The following PHF20 variants were observed in gnomAD, a reference collection of about 807,000 sequenced individuals.
PHF20 encodes the protein glioma-expressed antigen 2.
PHF20 carries 23 observed loss-of-function variants against 113.5 expected under a neutral mutation model. That is an observed-to-expected ratio of 0.20 (90% CI 0.15 to 0.29). The LOEUF (loss-of-function observed/expected upper bound fraction) is 0.29. Among genes scored for constraint, PHF20 ranks in the 10% least tolerant of loss-of-function variants. The pLI, the probability that PHF20 is intolerant of heterozygous loss-of-function variation, is 1.00. For synonymous variants in PHF20, 434 were observed against 457.3 expected (o/e 0.95, Z 0.65); for missense variants, 943 against 1,219.6 (o/e 0.77, Z 3.38).
At chr20:35,925,173 T>C (rs2055602183) in intron 13 of PHF20, among the ~76,000 whole-genome samples, 2 of 152,200 alleles carry the variant, frequency 1.3e-5, no homozygotes, top group South Asian at 4.1e-4. Flanking sequence ...TGTCTCCATA[T>C]TGCTCTTTCT....
intron 12 of PHF20, 28 bp from the exon 13 acceptor site, chr20:35,917,456 G>C (rs753065933): frequency 2.5e-6 from 4 of 1,588,722 alleles, no homozygotes. Flanking sequence ...ACCTAAAATA[G>C]TAACTGTTGT....
At chr20:35,879,665 G>A (rs1405161379) in intron 9 of PHF20, among the ~76,000 whole-genome samples, 1 of 151,274 alleles carries the variant, frequency 6.6e-6, no homozygotes, top group Non-Finnish European at 1.5e-5. Context: ...ACATTCCATG[G>A]TGGTTACATG....
intron 2 of PHF20, among the ~76,000 whole-genome samples, chr20:35,814,786 T>C (rs1600771294): frequency 7.5e-6 from 1 of 134,016 alleles, no homozygotes; most frequent in African/African-American, 2.8e-5. Context: ...GGCAGGAGAA[T>C]GGCGTGAACC....
At chr20:35,826,502 A>G (rs1195693736) in intron 2 of PHF20, among the ~76,000 whole-genome samples, 1 of 152,170 alleles carries the variant, frequency 6.6e-6, no homozygotes, top group Non-Finnish European at 1.5e-5. Flanking sequence ...TTGAGGGCAT[A>G]TGCAAGGAAG....
intron 6 of PHF20, among the ~76,000 whole-genome samples, chr20:35,864,997 C>A (rs1190184390): frequency 1.3e-5 from 2 of 151,622 alleles, no homozygotes; most frequent in African/African-American, 4.9e-5. Flanking sequence ...ACCAGCCTGG[C>A]CAACATGGTG....
In PHF20 at chr20:35,940,426, T is replaced by C. The variant is rs1282390958; in HGVS notation, c.2713-438T>C. 3.5e-5 allele frequency among the ~76,000 whole-genome samples: 4 copies of C among 112,980 alleles called. No homozygotes were observed. The Admixed American group carries it at 3.6e-4, about 10-fold the overall frequency. The allele number at this position is 112,980 out of a possible 152,430, so 74.1% of individuals were successfully genotyped here. ...TTCCAAATAGGTTTTAGTACCCCCA[T>C]CCTCCCACCGAGAAAGCAGAGGCTC... is the stretch of plus-strand genomic sequence containing the variant. On this transcript the variant is annotated intron_variant, in intron 16 of 17. Coordinates refer to ENST00000374012, the MANE Select transcript of PHF20 (RefSeq NM_016436.5).
intron 4 of PHF20, among the ~76,000 whole-genome samples, chr20:35,852,451 G>T (rs755576328): frequency 6.6e-6 from 1 of 152,032 alleles, no homozygotes; most frequent in African/African-American, 2.4e-5. Context: ...AGAGGGAGTG[G>T]GAATAGATGA....
intron 4 of PHF20, among the ~76,000 whole-genome samples, chr20:35,852,653 C>T (rs2042754539): frequency 6.6e-6 from 1 of 150,572 alleles, no homozygotes; most frequent in Non-Finnish European, 1.5e-5. Flanking sequence ...TGCTGGAGTG[C>T]AGTGGCTCGA....
At chr20:35,881,338 G>A (rs981161760) in intron 9 of PHF20, among the ~76,000 whole-genome samples, 2 of 151,814 alleles carry the variant, frequency 1.3e-5, no homozygotes, top group South Asian at 2.1e-4. Flanking sequence ...GATTATAGGC[G>A]TGAGCCACCG....
At chr20:35,895,098 A>C (rs1243894037) in intron 9 of PHF20, among the ~76,000 whole-genome samples, 1 of 151,826 alleles carries the variant, frequency 6.6e-6, no homozygotes, top group Non-Finnish European at 1.5e-5. Flanking sequence ...ATCTTGACCC[A>C]CTGCAACCTC....
At chr20:35,880,950 ACT>A (rs112620710) in intron 9 of PHF20, among the ~76,000 whole-genome samples, 7,376 of 151,208 alleles carry the variant, frequency 0.049, 231 homozygotes, top group African/African-American at 0.1. Context: ...ACAGAGCGAG[ACT>A]CTGTCTCAAA....
At chr20:35,776,964 T>A (rs1008375112) in intron 1 of PHF20, among the ~76,000 whole-genome samples, 1 of 152,224 alleles carries the variant, frequency 6.6e-6, no homozygotes, top group Non-Finnish European at 1.5e-5. Context: ...ATGTGCTCCC[T>A]TGGGCAGCCT....
intron 2 of PHF20, among the ~76,000 whole-genome samples, chr20:35,827,777 C>T (rs1047807787): frequency 5.9e-5 from 8 of 136,528 alleles, no homozygotes; most frequent in African/African-American, 2.2e-4. Flanking sequence ...AGCGAGACTC[C>T]ATCTCAGAAA....
At chr20:35,884,208 ATCCAGCCAGGTCC>A (rs1355246157) in intron 9 of PHF20, among the ~76,000 whole-genome samples, 14 of 152,178 alleles carry the variant, frequency 9.2e-5, no homozygotes, top group African/African-American at 3.1e-4. Context: ...CTTCAGAAGC[ATCCAGCCAGGTCC>A]CTGGAAGCTG....
At chr20:35,796,689 G>A (rs2041672720) in intron 1 of PHF20, among the ~76,000 whole-genome samples, 1 of 152,146 alleles carries the variant, frequency 6.6e-6, no homozygotes, top group Admixed American at 6.6e-5. Context: ...TTATCTTCCT[G>A]TATTCAAGTT....
chr20:35,942,466 C>A (rs535768907), intron 17 of PHF20, among the ~76,000 whole-genome samples: 53 of 152,270 alleles, frequency 3.5e-4, no homozygotes, highest in African/African-American at 1.1e-3. Flanking sequence ...GCCACAGGGA[C>A]CTTCCCTGAG....
At chr20:35,944,090 C>A (rs2056041428) in intron 17 of PHF20, among the ~76,000 whole-genome samples, 1 of 152,156 alleles carries the variant, frequency 6.6e-6, no homozygotes, top group African/African-American at 2.4e-5. Context: ...TCCTCTGTAA[C>A]CTTCTGTCTT....
intron 1 of PHF20, chr20:35,782,205 A>C (rs549325916): frequency 6.7e-6 from 1 of 149,938 alleles, no homozygotes; most frequent in African/African-American, 2.4e-5. Context: ...ATAATTAGAC[A>C]TGTGCAACTT....
chr20:35,920,944 A>G (rs184993021), intron 13 of PHF20, among the ~76,000 whole-genome samples: 14 of 152,364 alleles, frequency 9.2e-5, no homozygotes, highest in Non-Finnish European at 1.5e-5. Context: ...GTAACAGGTA[A>G]CAGCAATAGT....
Sources: allele counts gnomAD v4.1 joint callset (sites outside exome capture counted in the v4.1 genomes callset), GRCh38; gene constraint gnomAD v4.1.1; transcripts MANE v1.5; gene names NCBI Gene and HGNC (gene_info 2026-07-23, HGNC 2026-07-21).